ZPBP: variants seen among roughly 807,000 people sequenced by gnomAD.
ZPBP encodes the protein zona pellucida-binding protein 1.
A neutral mutation model predicts 44.8 loss-of-function variants in ZPBP; 26 were observed. That is an observed-to-expected ratio of 0.58 (90% confidence interval 0.43 to 0.81). ZPBP has a LOEUF of 0.81. Among genes scored for constraint, ZPBP ranks in the 30% least tolerant of loss-of-function variants. ZPBP has a pLI of 0.00. For missense variants in ZPBP, 409 were observed against 434.0 expected (o/e 0.94, Z 0.51); for synonymous variants, 174 against 153.2 (o/e 1.14, Z -1.00).
At chr7:50,090,333 A>G (rs889042765) in intron 1 of ZPBP, among the ~76,000 whole-genome samples, 12 of 151,836 alleles carry the variant, frequency 7.9e-5, no homozygotes, top group African/African-American at 2.9e-4. Context: ...CCCACTTATA[A>G]ATGAGAACAT....
At chr7:50,048,215 A>C (rs1226669091) in intron 4 of ZPBP, among the ~76,000 whole-genome samples, 1 of 152,152 alleles carries the variant, frequency 6.6e-6, no homozygotes, top group African/African-American at 2.4e-5. Flanking sequence ...TATATCAGGA[A>C]GAAAGAACAA....
chr7:49,939,802 A>T (rs1421627004), intron 7 of ZPBP, among the ~76,000 whole-genome samples: 1 of 152,192 alleles, frequency 6.6e-6, no homozygotes, highest in Non-Finnish European at 1.5e-5. Context: ...AGAAGTAGGC[A>T]TTCATAGTGA....
At chr7:49,920,749 A>G (rs1793982828) in intron 1 of ZPBP, 1 of 152,170 alleles carries the variant, frequency 6.6e-6, no homozygotes, top group Non-Finnish European at 1.5e-5. Flanking sequence ...ATAATTTTAA[A>G]TACTTATTCC....
chr7:49,967,362 T>C (rs962125939), intron 7 of ZPBP, among the ~76,000 whole-genome samples: 2 of 152,204 alleles, frequency 1.3e-5, no homozygotes, highest in Non-Finnish European at 2.9e-5. Context: ...CCTTGTTTTC[T>C]AGGATCATAT....
chr7:49,980,533 C>T (rs1311242216), intron 7 of ZPBP, among the ~76,000 whole-genome samples: 1 of 151,496 alleles, frequency 6.6e-6, no homozygotes, highest in East Asian at 1.9e-4. Context: ...ACTGGGCATT[C>T]GGTGAGGGCC....
chr7:49,990,330 T>C (rs953240466), intron 6 of ZPBP, among the ~76,000 whole-genome samples: 2 of 152,204 alleles, frequency 1.3e-5, no homozygotes, highest in African/African-American at 2.4e-5. Flanking sequence ...CCCATTAATA[T>C]GGGTGAAAGC....
rs754286768 is a variant in ZPBP, at chr7:50,031,302, C to T, written c.496G>A (p.Glu166Lys). Residue 166 changes from glutamate to lysine, a missense_variant, in exon 5 of 8, where the codon GAG (glutamate) becomes AAG (lysine). Glu to Lys is a moderately conservative substitution (Grantham distance 56). Transcript: ENST00000046087. The stretch of plus-strand genomic sequence containing the variant: ...GTGAACTGATAATAATAATGAGGCT[C>T]ACGATAAGCTGTAAAAAATTAACAA... ...QLKYAIYAYR[E>K]PHYYYQFTAR... 1.2e-6 allele frequency: 2 copies of T among 1,608,712 alleles called. No individual in the cohort carries two copies. The highest frequency in any genetic ancestry group is 1.7e-5 in the Admixed American group (1 of 59,692).
chr7:49,980,297 A>C (rs1215799613), intron 7 of ZPBP, among the ~76,000 whole-genome samples: 2 of 30,830 alleles, frequency 6.5e-5, no homozygotes, highest in South Asian at 1.6e-3. Flanking sequence ...ATAAATATAT[A>C]ATATATATAA....
chr7:50,036,623 A>G (rs1026670713), intron 4 of ZPBP, among the ~76,000 whole-genome samples: 1 of 152,222 alleles, frequency 6.6e-6, no homozygotes, highest in African/African-American at 2.4e-5. Context: ...AAACAAATAA[A>G]ATAGTACTAA....
At chr7:50,026,714 A>G (rs971858429) in intron 5 of ZPBP, among the ~76,000 whole-genome samples, 1 of 151,866 alleles carries the variant, frequency 6.6e-6, no homozygotes, top group Non-Finnish European at 1.5e-5. Context: ...TATGGCTACA[A>G]AAAACAAACA....
chr7:49,915,296 T>C (rs934566651), intron 1 of ZPBP: 2 of 152,210 alleles, frequency 1.3e-5, no homozygotes, highest in African/African-American at 4.8e-5. Context: ...AGAGGCACAG[T>C]GTCCTTGACA....
At chr7:49,859,215 T>A (rs1472526852) in intron 2 of ZPBP, among the ~76,000 whole-genome samples, 1 of 152,258 alleles carries the variant, frequency 6.6e-6, no homozygotes, top group Admixed American at 6.5e-5. Context: ...AAGGGTTTTA[T>A]ATATTGCAGA....
intron 6 of ZPBP, among the ~76,000 whole-genome samples, chr7:49,984,874 C>T (rs1797187145): frequency 6.6e-6 from 1 of 152,128 alleles, no homozygotes; most frequent in African/African-American, 2.4e-5. Flanking sequence ...AATGTCCTTT[C>T]CTTCAATGTC....
At chr7:49,924,931 A>C (rs1311976261) in intron 1 of ZPBP, among the ~76,000 whole-genome samples, 1 of 152,206 alleles carries the variant, frequency 6.6e-6, no homozygotes, top group African/African-American at 2.4e-5. Flanking sequence ...ACTCCAAGAA[A>C]ACCCAATGCA....
intron 3 of ZPBP, among the ~76,000 whole-genome samples, chr7:50,069,953 G>A (rs1048463390): frequency 1.3e-5 from 2 of 152,026 alleles, no homozygotes; most frequent in African/African-American, 4.8e-5. Context: ...GTCACTCCCT[G>A]CATTGGCCTC....
chr7:50,080,783 G>C (rs1046097347), intron 3 of ZPBP, among the ~76,000 whole-genome samples: 1 of 151,660 alleles, frequency 6.6e-6, no homozygotes, highest in African/African-American at 2.4e-5. Context: ...TAGAATTTCT[G>C]TTGTTGAGCC....
rs1165402881 is a variant in ZPBP at position 50,000,996 on chromosome 7, CACAT to C, written c.783+17240_783+17243del. The stretch of plus-strand genomic sequence containing the variant: ...ATAAGAAGAGTTAAGGACACAGACA[CACAT>C]ACAAAGAGGAAAGACCATGTGAAGA... On this transcript the variant is annotated intron_variant, in intron 6 of 7. Coordinates refer to ENST00000046087, the MANE Select transcript of ZPBP (RefSeq NM_007009.3). Among the ~76,000 whole-genome samples, 9 of 152,270 alleles carry C rather than the reference CACAT, an allele frequency of 5.9e-5. No individual in the cohort carries two copies. The East Asian group carries it at 1.5e-3, about 26-fold the overall frequency.
intron 7 of ZPBP, chr7:49,944,066 A>G: frequency 4.2e-6 from 1 of 235,478 alleles, no homozygotes; most frequent in Admixed American, 5.5e-5. Context: ...TTGAGGCTGG[A>G]TTCAATCTTA....
chr7:49,951,998 G>T (rs1280402315), intron 7 of ZPBP, among the ~76,000 whole-genome samples: 10 of 151,756 alleles, frequency 6.6e-5, no homozygotes, highest in Admixed American at 6.6e-4. Context: ...TATTTTATAT[G>T]AAATATCCAG....
Sources: gnomAD v4.1 joint callset for allele counts (sites outside exome capture counted in the v4.1 genomes callset) on GRCh38, gnomAD v4.1.1 for gene constraint, MANE v1.5 for transcripts, NCBI Gene and HGNC (gene_info 2026-07-23, HGNC 2026-07-21) for gene names.